Variants in NTRK2 observed in about 807,000 individuals in gnomAD.
The protein encoded by NTRK2 is BDNF/NT-3 growth factors receptor.
NTRK2 carries 13 observed loss-of-function variants against 94.5 expected under a neutral mutation model. That is an observed-to-expected ratio of 0.14 (90% confidence interval 0.09 to 0.22). NTRK2 has a LOEUF of 0.22. Ranked by LOEUF, NTRK2 falls within the 10% of genes least tolerant of loss-of-function variation. NTRK2 has a pLI of 1.00. For synonymous variants in NTRK2, 372 were observed against 407.4 expected (o/e 0.91, Z 1.05); for missense variants, 639 against 1,071.2 (o/e 0.60, Z 5.63).
intron 11 of NTRK2, among the ~76,000 whole-genome samples, chr9:84,750,818 G>A (rs2064527900): frequency 1.3e-5 from 2 of 152,218 alleles, no homozygotes; most frequent in African/African-American, 4.8e-5. Flanking sequence ...GACACATAGT[G>A]CCGCTGACAA....
rs1588213808 is a variant in NTRK2 at position 85,023,111 on chromosome 9, T to G, written c.*1674T>G. 4.3e-6 allele frequency: 1 copy of G among 233,136 alleles called. No individual in the cohort carries two copies. Among genetic ancestry groups the G allele is most frequent in the East Asian group, 6.0e-5 (1 of 16,566 alleles). The allele number at this position is 233,136 out of a possible 1,614,324, so 14.4% of individuals were successfully genotyped here. ...CCCAGACCAAGCACTGGAAGTGTGCTTCTAGGCATAGTCATTGGTTTTGCA... is the reference window on the plus strand; with the variant it reads ...CCCAGACCAAGCACTGGAAGTGTGCGTCTAGGCATAGTCATTGGTTTTGCA... On this transcript the variant is annotated 3_prime_UTR_variant, in exon 19 of 19. Coordinates refer to ENST00000277120, the MANE Select transcript of NTRK2 (RefSeq NM_006180.6).
intron 14 of NTRK2, among the ~76,000 whole-genome samples, chr9:84,931,815 G>A (rs1270377778): frequency 6.6e-6 from 1 of 151,606 alleles, no homozygotes. Context: ...CAATGAACAT[G>A]TGACAACCAG....
At position 84,853,326 on chromosome 9, in the gene NTRK2, C is replaced by T. The variant is rs1383952969; in HGVS notation, c.1397-7714C>T. 3.3e-5 allele frequency among the ~76,000 whole-genome samples: 5 copies of T among 152,106 alleles called. 1 individual carries two copies. Among genetic ancestry groups the T allele is most frequent in the Non-Finnish European group, 2.9e-5 (2 of 68,012 alleles). ...GGAAGTGGCTCACTCAAGGTCATGC[C>T]GTTCACTTCTGGCAGTGTCTAGAGA... On this transcript the variant is annotated intron_variant, in intron 12 of 18. Transcript: ENST00000277120.
chr9:84,876,804 C>T, intron 14 of NTRK2: 1 of 1,061,870 alleles, frequency 9.4e-7, no homozygotes, highest in Non-Finnish European at 1.1e-6. Context: ...AGAAGGCTAG[C>T]CTTTCTTTTC....
intron 2 of NTRK2, among the ~76,000 whole-genome samples, chr9:84,694,502 C>A (rs2060242337): frequency 6.6e-6 from 1 of 152,198 alleles, no homozygotes; most frequent in Non-Finnish European, 1.5e-5. Flanking sequence ...GGGGTGCATA[C>A]CCCCTCAAGA....
chr9:84,742,633 T>C (rs55946527), intron 10 of NTRK2, among the ~76,000 whole-genome samples: 2,144 of 152,158 alleles, frequency 0.014, 52 homozygotes, highest in African/African-American at 0.05. Context: ...CTTGCCCTTA[T>C]TACTGCTAAG....
chr9:84,925,704 A>G lies in NTRK2; in HGVS notation c.1634-8458A>G, dbSNP rs546482889. On this transcript the variant is annotated intron_variant, in intron 14 of 18. Coordinates refer to ENST00000277120, the MANE Select transcript of NTRK2 (RefSeq NM_006180.6). ...GCCGGAGAGGAAAGATGGATGAGGG[A>G]TGGGAAGGAGCCCGCCCTCAGCTCT... 4.6e-5 allele frequency among the ~76,000 whole-genome samples: 7 copies of G among 152,180 alleles called. No homozygotes were observed. The East Asian group carries it at 9.7e-4, about 21-fold the overall frequency.
chr9:84,802,644 G>A (rs1305169793), intron 12 of NTRK2, among the ~76,000 whole-genome samples: 1 of 152,220 alleles, frequency 6.6e-6, no homozygotes, highest in African/African-American at 2.4e-5. Context: ...GAGGGGTTCT[G>A]TTGGCTGCCT....
intron 2 of NTRK2, among the ~76,000 whole-genome samples, chr9:84,693,371 T>C (rs1368670367): frequency 6.6e-6 from 1 of 152,236 alleles, no homozygotes. Context: ...AGTTTTTTTT[T>C]CTCATCATAA....
chr9:84,784,703 C>T (rs1268161735), intron 12 of NTRK2, among the ~76,000 whole-genome samples: 1 of 152,150 alleles, frequency 6.6e-6, no homozygotes, highest in Non-Finnish European at 1.5e-5. Flanking sequence ...CAGCTAAGGA[C>T]TCTGTTCCCT....
At chr9:84,925,618 G>A (rs1390007823) in intron 14 of NTRK2, among the ~76,000 whole-genome samples, 1 of 152,132 alleles carries the variant, frequency 6.6e-6, no homozygotes, top group African/African-American at 2.4e-5. Flanking sequence ...CAGCTTCTGT[G>A]GCTGGGGACA....
intron 14 of NTRK2, among the ~76,000 whole-genome samples, chr9:84,899,314 A>T (rs981635167): frequency 1.3e-5 from 2 of 152,260 alleles, no homozygotes; most frequent in African/African-American, 4.8e-5. Context: ...TCAAAAGTTA[A>T]ATGTGTATTT....
At chr9:84,909,079 A>G (rs1444214699) in intron 14 of NTRK2, among the ~76,000 whole-genome samples, 1 of 151,968 alleles carries the variant, frequency 6.6e-6, no homozygotes, top group Non-Finnish European at 1.5e-5. Context: ...AGCTACACCC[A>G]CTTTCCTCCC....
intron 2 of NTRK2, among the ~76,000 whole-genome samples, chr9:84,699,230 G>A (rs1050033130): frequency 2.0e-5 from 3 of 152,006 alleles, no homozygotes; most frequent in African/African-American, 7.3e-5. Flanking sequence ...TTGAGACGGG[G>A]TTTCACCATG....
intron 12 of NTRK2, among the ~76,000 whole-genome samples, chr9:84,841,303 A>G (rs2074169972): frequency 6.6e-6 from 1 of 152,024 alleles, no homozygotes; most frequent in Non-Finnish European, 1.5e-5. Context: ...ATGAGATGTG[A>G]CCCTCCCACA....
chr9:84,935,109 G>A (rs1449784342), intron 15 of NTRK2, among the ~76,000 whole-genome samples: 4 of 152,008 alleles, frequency 2.6e-5, no homozygotes, highest in Non-Finnish European at 5.9e-5. Flanking sequence ...CTTAAAAGGG[G>A]CATATATTTA....
intron 17 of NTRK2, among the ~76,000 whole-genome samples, chr9:84,975,824 A>C (rs1257765770): frequency 1.3e-5 from 2 of 149,170 alleles, no homozygotes; most frequent in African/African-American, 2.6e-5. Context: ...ATGTATTGTA[A>C]GTGTGAATAC....
chr9:84,993,222 A>G (rs1829317152), intron 17 of NTRK2, among the ~76,000 whole-genome samples: 1 of 152,086 alleles, frequency 6.6e-6, no homozygotes, highest in South Asian at 2.1e-4. Context: ...CATTTCCTCT[A>G]TTCTCCAGGC....
intron 14 of NTRK2, among the ~76,000 whole-genome samples, chr9:84,878,569 G>T (rs563655339): frequency 6.6e-6 from 1 of 151,818 alleles, no homozygotes; most frequent in South Asian, 2.1e-4. Context: ...AGGAGGCGGG[G>T]GTTGCAGTGA....
Sources: gnomAD v4.1 joint callset for allele counts (sites outside exome capture counted in the v4.1 genomes callset) on GRCh38, gnomAD v4.1.1 for gene constraint, MANE v1.5 for transcripts, NCBI Gene and HGNC (gene_info 2026-07-23, HGNC 2026-07-21) for gene names.